The following ZC3H4 variants were observed in gnomAD, a reference collection of about 807,000 sequenced individuals.
ZC3H4 encodes the protein zinc finger CCCH-type containing 4.
A neutral mutation model predicts 108.3 loss-of-function variants in ZC3H4; 13 were observed. That is an observed-to-expected ratio of 0.12 (90% confidence interval 0.08 to 0.19). The LOEUF is 0.19. Ranked by LOEUF, ZC3H4 falls within the 10% of genes least tolerant of loss-of-function variation. ZC3H4 has a pLI of 1.00. For synonymous variants in ZC3H4, 917 were observed against 749.6 expected (o/e 1.22, Z -3.65); for missense variants, 1,734 against 1,838.8 (o/e 0.94, Z 1.04).
At chr19:47,078,316 A>T (rs937057486) in intron 11 of ZC3H4, among the ~76,000 whole-genome samples, 11 of 151,998 alleles carry the variant, frequency 7.2e-5, no homozygotes, top group African/African-American at 2.7e-4. Context: ...TCTACTAAAA[A>T]TACAAAAATT....
At chr19:47,095,738 C>A (rs1037365568) in intron 2 of ZC3H4, among the ~76,000 whole-genome samples, 1 of 152,116 alleles carries the variant, frequency 6.6e-6, no homozygotes, top group Non-Finnish European at 1.5e-5. Context: ...TTCACAAGTA[C>A]AGGAGTTGGT....
At chr19:47,106,549 G>A (rs1050193387) in intron 2 of ZC3H4, among the ~76,000 whole-genome samples, 3 of 152,218 alleles carry the variant, frequency 2.0e-5, no homozygotes, top group African/African-American at 4.8e-5. Context: ...GGGCCTGCCT[G>A]TGATCTAGCC....
intron 11 of ZC3H4, among the ~76,000 whole-genome samples, chr19:47,079,563 CCT>C (rs997105601): frequency 1.0e-4 from 15 of 150,512 alleles, no homozygotes; most frequent in Non-Finnish European, 1.5e-4. Context: ...CACTGCTTCC[CCT>C]GTCAAACAGC....
At chr19:47,082,398 G>A (rs2057540942) in intron 9 of ZC3H4, 103 bp from the exon 10 acceptor site, 5 of 855,120 alleles carry the variant, frequency 5.8e-6, no homozygotes, top group East Asian at 5.1e-5. Context: ...GCATGGAGGG[G>A]CCAATGACAG....
At position 47,066,277 on chromosome 19, in the gene ZC3H4, C is replaced by A; in HGVS notation, c.*79G>T. On this transcript the variant is annotated 3_prime_UTR_variant, in exon 15 of 15. Transcript: ENST00000253048. ...GGAACACCCAGCCTGCCTCCCCTTG[C>A]CCCCAAGTTCCCTACCCTGGGTGCT... The A allele has an allele frequency of 2.5e-6, 3 of 1,207,536 alleles. No homozygotes were observed. The highest frequency in any genetic ancestry group is 3.3e-6 in the Non-Finnish European group (3 of 913,150). The allele number at this position is 1,207,536 out of a possible 1,614,324, so 74.8% of individuals were successfully genotyped here. A position where few individuals can be genotyped will look rare whatever the true frequency, so the allele number is the denominator to read the frequency against.
At chr19:47,074,722 T>G (rs1224267457) in intron 11 of ZC3H4, among the ~76,000 whole-genome samples, 1 of 152,196 alleles carries the variant, frequency 6.6e-6, no homozygotes, top group Non-Finnish European at 1.5e-5. Context: ...GTGAGCAGCC[T>G]AGTGAAAACC....
chr19:47,103,970 CAAAT>C (rs1260418077), intron 2 of ZC3H4, among the ~76,000 whole-genome samples: 1 of 151,318 alleles, frequency 6.6e-6, no homozygotes, highest in Admixed American at 6.6e-5. Context: ...TAAAAATAAA[CAAAT>C]AAATAAGAGA....
At position 47,067,112 on chromosome 19, in the gene ZC3H4, T is replaced by A; in HGVS notation, c.3156A>T (p.Thr1052=). The A allele has an allele frequency of 6.2e-7, 1 of 1,611,866 alleles. No homozygotes were observed. The highest frequency in any genetic ancestry group is 8.5e-7 in the Non-Finnish European group (1 of 1,178,940). The change falls in exon 15 of 15, where the codon ACA becomes ACT. Residue 1052 remains threonine, a synonymous_variant. Coordinates refer to ENST00000253048, the MANE Select transcript of ZC3H4 (RefSeq NM_015168.2). The surrounding 1 kb of genome is among the most constrained non-coding windows in gnomAD (Gnocchi z 6.4). ...DFELLSRILK[T]VNATGSSAAP... ...CGGCCGAGGAGCCGGTGGCATTGACTGTCTTGAGGATGCGAGACAGAAGTT... is the reference window on the plus strand; with the variant it reads ...CGGCCGAGGAGCCGGTGGCATTGACAGTCTTGAGGATGCGAGACAGAAGTT...
At chr19:47,112,264 G>A (rs919946934) in intron 2 of ZC3H4, 160 bp downstream of exon 2, 13 of 1,134,230 alleles carry the variant, frequency 1.1e-5, no homozygotes, top group Non-Finnish European at 1.4e-5. Context: ...GAAAGAGCGA[G>A]CGAGCAAGCG....
Position 47,064,249 on chromosome 19 carries a change from A to C in ZC3H4, c.*2107T>G, listed in dbSNP as rs1016344764. Reference sequence around the variant, plus strand: ...AATTACTGGATTAAGAGACCACAGGAGAAAGGCAGGTGACGTTTCTGGAAG... The same window carrying C: ...AATTACTGGATTAAGAGACCACAGGCGAAAGGCAGGTGACGTTTCTGGAAG... On this transcript the variant is annotated 3_prime_UTR_variant, in exon 15 of 15. Coordinates refer to ENST00000253048, the MANE Select transcript of ZC3H4 (RefSeq NM_015168.2). 6.6e-6 allele frequency: 1 copy of C among 152,658 alleles called. No homozygotes were observed. The highest frequency in any genetic ancestry group is 1.5e-5 in the Non-Finnish European group (1 of 68,054). 9.5% of individuals were successfully genotyped at this position (152,658 alleles called of 1,614,324 possible).
chr19:47,099,323 G>T (rs1348417655), intron 2 of ZC3H4, among the ~76,000 whole-genome samples: 1 of 151,980 alleles, frequency 6.6e-6, no homozygotes. Flanking sequence ...GTCGGGCTTG[G>T]AAGAACACGC....
At position 47,110,869 on chromosome 19, in the gene ZC3H4, A is replaced by G. The variant is rs150755174; in HGVS notation, c.161+1555T>C. 1.2e-4 allele frequency: 113 copies of G among 912,612 alleles called. No individual in the cohort carries two copies. The African/African-American group carries it at 1.5e-3, about 12-fold the overall frequency. 56.5% of individuals were successfully genotyped at this position (912,612 alleles called of 1,614,324 possible). A position where few individuals can be genotyped will look rare whatever the true frequency, so the allele number is the denominator to read the frequency against. On this transcript the variant is annotated intron_variant, in intron 2 of 14. Transcript: ENST00000253048. ...GATACATTTAATTAGAACAAAACAGAAAAAAAAAATGTTGTAAAAGCTCAC... is the reference window on the plus strand; with the variant it reads ...GATACATTTAATTAGAACAAAACAGGAAAAAAAAATGTTGTAAAAGCTCAC...
At chr19:47,110,993 G>C (rs1412297973) in intron 2 of ZC3H4, 4 of 874,028 alleles carry the variant, frequency 4.6e-6, no homozygotes, top group Non-Finnish European at 5.5e-6. Context: ...GGTGGGAGTG[G>C]GGAGAAGGGG....
At chr19:47,111,337 A>G (rs1327538818) in intron 2 of ZC3H4, among the ~76,000 whole-genome samples, 1 of 152,216 alleles carries the variant, frequency 6.6e-6, no homozygotes, top group Non-Finnish European at 1.5e-5. Flanking sequence ...ATCACCCGCC[A>G]GCCAGAGAAG....
At chr19:47,109,502 A>G (rs914634636) in intron 2 of ZC3H4, among the ~76,000 whole-genome samples, 1 of 152,200 alleles carries the variant, frequency 6.6e-6, no homozygotes, top group Admixed American at 6.5e-5. Flanking sequence ...AGGATGGGAA[A>G]CTTCAAATAA....
In ZC3H4 at chr19:47,071,760, A is replaced by C. The variant is rs1181665833; in HGVS notation, c.2146+18T>G. 1 of 1,581,422 alleles carries C rather than the reference A, an allele frequency of 6.3e-7. No individual in the cohort carries two copies. The highest frequency in any genetic ancestry group is 1.2e-5 in the South Asian group (1 of 86,002). On this transcript the variant is annotated intron_variant, in intron 13 of 14. Transcript: ENST00000253048. ...AAAGCCTGCAGCCCCAGGCAGCCAC[A>C]CCTGGAGTCCCGCATACCTGCATCC... is the stretch of plus-strand genomic sequence containing the variant.
intron 2 of ZC3H4, among the ~76,000 whole-genome samples, chr19:47,102,803 C>T (rs1186717466): frequency 1.3e-5 from 2 of 150,638 alleles, no homozygotes; most frequent in African/African-American, 2.4e-5. Context: ...CATCCCAACA[C>T]AAAGAGAAAG....
intron 2 of ZC3H4, among the ~76,000 whole-genome samples, chr19:47,107,394 G>A (rs1191782125): frequency 2.0e-5 from 3 of 152,064 alleles, no homozygotes; most frequent in African/African-American, 7.2e-5. Context: ...TTTTATACTC[G>A]ATGCCTACTG....
intron 9 of ZC3H4, 100 bp downstream of exon 9, chr19:47,084,245 C>T: frequency 1.8e-6 from 2 of 1,142,722 alleles, no homozygotes; most frequent in Non-Finnish European, 1.3e-6. Context: ...TACACAGTCA[C>T]TCCCACCCAC....
Sources: allele counts gnomAD v4.1 joint callset (sites outside exome capture counted in the v4.1 genomes callset), GRCh38; gene constraint gnomAD v4.1.1; non-coding constraint Gnocchi (gnomAD v3.1); transcripts MANE v1.5; gene names NCBI Gene and HGNC (gene_info 2026-07-23, HGNC 2026-07-21).